AQR: variants seen among roughly 807,000 people sequenced by gnomAD.
AQR encodes aquarius intron-binding spliceosomal factor, also known as RNA helicase aquarius.
A neutral mutation model predicts 180.5 loss-of-function variants in AQR; 61 were observed. The ratio of observed to expected loss-of-function variants is 0.34; its 90% confidence interval spans 0.28 to 0.42. The LOEUF is 0.42. AQR is among the 10% of genes least tolerant of loss of function. The pLI is 1.00. For missense variants in AQR, 1,281 were observed against 1,798.3 expected, an observed-to-expected ratio of 0.71 and a Z score of 5.20; for synonymous variants, 551 against 588.8, an observed-to-expected ratio of 0.94 and a Z score of 0.93.
intron 13 of AQR, among the ~76,000 whole-genome samples, chr15:34,921,422 A>G (rs577105197): frequency 6.7e-4 from 96 of 143,924 alleles, no homozygotes; most frequent in Non-Finnish European, 1.2e-3. Context: ...CAAAAGAGCG[A>G]GACTCCATCT....
chr15:34,859,118 TAAAC>T (rs1031155474), intron 34 of AQR, among the ~76,000 whole-genome samples: 15 of 152,020 alleles, frequency 9.9e-5, no homozygotes, highest in African/African-American at 3.4e-4. Context: ...ACAAAATAAA[TAAAC>T]AAGCCAGAAT....
intron 15 of AQR, among the ~76,000 whole-genome samples, chr15:34,916,157 T>C (rs1893581818): frequency 6.6e-6 from 1 of 152,242 alleles, no homozygotes; most frequent in Admixed American, 6.5e-5. Context: ...TACCATAAAT[T>C]TAGCCCATGA....
rs1892555937 is a variant in AQR, at chr15:34,854,223, T to C, written c.*2569A>G. The C allele has an allele frequency of 1.3e-5, 2 of 152,166 alleles. No individual in the cohort carries two copies. Among genetic ancestry groups the C allele is most frequent in the East Asian group, 3.9e-4 (2 of 5,192 alleles). 9.4% of individuals were successfully genotyped at this position (152,166 alleles called of 1,614,324 possible). On this transcript the variant is annotated 3_prime_UTR_variant, in exon 35 of 35. Transcript: ENST00000156471. ...ATTGCTTCATTTCATGCTCATTCTT[T>C]TGGGCATGGCTCTTTTTGGTTTTCT...
intron 19 of AQR, among the ~76,000 whole-genome samples, chr15:34,903,730 T>C (rs1893369419): frequency 2.0e-5 from 3 of 152,158 alleles, no homozygotes; most frequent in Non-Finnish European, 4.4e-5. Flanking sequence ...AAGCTACATG[T>C]ATCAAATGCT....
intron 18 of AQR, 80 bp downstream of exon 18, chr15:34,906,465 C>G: frequency 6.6e-7 from 1 of 1,519,884 alleles, no homozygotes; most frequent in Non-Finnish European, 8.9e-7. Context: ...AAAAATATTA[C>G]CTAAGAAGCA....
intron 9 of AQR, among the ~76,000 whole-genome samples, chr15:34,938,426 G>A (rs528456375): frequency 2.6e-5 from 4 of 151,884 alleles, no homozygotes; most frequent in Admixed American, 6.6e-5. Context: ...CCAGCTACTC[G>A]GGAGGCTGAG....
At chr15:34,916,882 C>CAAAAAAAAAAAAAAAA (rs71119988) in intron 15 of AQR, among the ~76,000 whole-genome samples, 106 of 78,360 alleles carry the variant, frequency 1.4e-3, no homozygotes, top group Middle Eastern at 0.014. Context: ...TTCAGCAGAA[C>CAAAAAAAAAAAAAAAA]AAAAAAAAAA....
In AQR at chr15:34,882,571, G is replaced by A. The variant is rs1309760030; in HGVS notation, c.3096C>T (p.Ala1032=). 6.2e-7 allele frequency: 1 copy of A among 1,610,616 alleles called. No homozygotes were observed. Among genetic ancestry groups the A allele is most frequent in the African/African-American group, 1.3e-5 (1 of 74,580 alleles). The change falls in exon 27 of 35, where the codon GCC becomes GCT. Residue 1032 remains alanine, a synonymous_variant. Coordinates refer to ENST00000156471, the MANE Select transcript of AQR (RefSeq NM_014691.3). The stretch of plus-strand genomic sequence containing the variant: ...GAGTACAGGTCATAGCAATAATTTT[G>A]GCTTCTTTCACTAAAAGGTATTTAG... ...DRSKYLLVKE[A]KIIAMTCTHA...
At chr15:34,926,028 G>A (rs1443671095) in intron 13 of AQR, among the ~76,000 whole-genome samples, 2 of 149,084 alleles carry the variant, frequency 1.3e-5, no homozygotes, top group Non-Finnish European at 3.0e-5. Context: ...TTAGACGGGC[G>A]TGGTGGCGGG....
At chr15:34,890,135 C>G (rs1439757642) in intron 24 of AQR, 80 bp downstream of exon 24, 2 of 1,269,092 alleles carry the variant, frequency 1.6e-6, no homozygotes, top group East Asian at 4.7e-5. Context: ...GTATTCATTG[C>G]TTTCTTCTTC....
chr15:34,942,735 T>A (rs1203054589), intron 6 of AQR, among the ~76,000 whole-genome samples: 1 of 152,230 alleles, frequency 6.6e-6, no homozygotes, highest in African/African-American at 2.4e-5. Flanking sequence ...GGCTATGTAT[T>A]GATAGTTTGT....
At chr15:34,877,878 A>G (rs11853821) in intron 27 of AQR, among the ~76,000 whole-genome samples, 19,836 of 152,056 alleles carry the variant, frequency 0.13, 2,105 homozygotes, top group African/African-American at 0.29. Context: ...GTCTTTGTGA[A>G]CTTTCAAAGG....
intron 16 of AQR, 26 bp from the exon 17 acceptor site, chr15:34,910,339 C>T (rs746353309): frequency 5.0e-6 from 8 of 1,602,582 alleles, no homozygotes; most frequent in South Asian, 4.4e-5. Context: ...TGGATGATTA[C>T]TCAAACAAAA....
intron 6 of AQR, chr15:34,943,421 A>G (rs367942669): frequency 3.0e-4 from 290 of 962,094 alleles, no homozygotes; most frequent in Middle Eastern, 1.2e-3. Context: ...TTATGAAGAC[A>G]ATAAAATCTT....
Position 34,897,763 on chromosome 15 carries a change from A to G in AQR, c.2244-58T>C, listed in dbSNP as rs1367798758. On this transcript the variant is annotated intron_variant, in intron 20 of 34. Transcript: ENST00000156471. ...ATTAACAAGGATTTACTGAGTACCT[A>G]TCTGGTGCATGACATTGTATGCACG... The G allele has an allele frequency of 2.6e-6, 4 of 1,567,262 alleles. No individual in the cohort carries two copies. In the African/African-American group the frequency reaches 4.1e-5, roughly 16 times the overall value.
intron 11 of AQR, 80 bp from the exon 12 acceptor site, chr15:34,930,451 GT>G: frequency 2.7e-6 from 2 of 746,150 alleles, no homozygotes; most frequent in Non-Finnish European, 4.4e-6. Flanking sequence ...TAATAAACAG[GT>G]TCATACAGTT....
Position 34,920,343 on chromosome 15 carries a change from G to C in AQR, c.1210C>G (p.Leu404Val). 1 of 1,608,248 alleles carries C rather than the reference G, an allele frequency of 6.2e-7. No homozygotes were observed. The highest frequency in any genetic ancestry group is 8.5e-7 in the Non-Finnish European group (1 of 1,175,784). ...ACATTAATATTTACCAGCAATTCTA[G>C]AAGAAATTCTTTATCAAAAGTTGTG... ...EDTTFDKEFL[L>V]ELLVSRHERR... Residue 404 changes from leucine to valine, a missense_variant, in exon 14 of 35, where the codon CTA becomes GTA. By Grantham distance (32) the Leu-to-Val change is conservative. Transcript: ENST00000156471.
intron 12 of AQR, among the ~76,000 whole-genome samples, chr15:34,928,676 T>C (rs1371700139): frequency 6.6e-6 from 1 of 152,206 alleles, no homozygotes; most frequent in Non-Finnish European, 1.5e-5. Context: ...TATAGCAGAA[T>C]GATTTATATT....
At chr15:34,862,803 A>G in intron 33 of AQR, 64 bp downstream of exon 33, 3 of 1,553,424 alleles carry the variant, frequency 1.9e-6, no homozygotes, top group Admixed American at 3.4e-5. Flanking sequence ...GTGGTCACCT[A>G]TAAGAAAATC....
Sources: allele counts gnomAD v4.1 joint callset (sites outside exome capture counted in the v4.1 genomes callset), GRCh38; gene constraint gnomAD v4.1.1; transcripts MANE v1.5; gene names NCBI Gene and HGNC (gene_info 2026-07-23, HGNC 2026-07-21).